The following RASSF8 variants were observed in gnomAD, a reference collection of about 807,000 sequenced individuals.
RASSF8 encodes the protein Ras association domain family member 8.
Under a neutral mutation model 48.5 loss-of-function variants are expected in RASSF8, and 22 were observed. That is an observed-to-expected ratio of 0.45 (90% confidence interval 0.32 to 0.65). The LOEUF (loss-of-function observed/expected upper bound fraction) is 0.65, where lower values mean the gene tolerates loss of function less well. RASSF8 is among the 30% of genes least tolerant of loss of function. The pLI is 0.03. For missense variants in RASSF8, 418 were observed against 489.2 expected (o/e 0.85, Z 1.37); for synonymous variants, 127 against 171.5 (o/e 0.74, Z 2.03).
At chr12:25,969,538 G>A (rs1026021169) in intron 1 of RASSF8, among the ~76,000 whole-genome samples, 2 of 152,166 alleles carry the variant, frequency 1.3e-5, no homozygotes, top group African/African-American at 4.8e-5. Context: ...AGAAAGACCA[G>A]TTAGGAGATA....
At chr12:25,993,399 A>G (rs1942059615) in intron 1 of RASSF8, among the ~76,000 whole-genome samples, 1 of 152,202 alleles carries the variant, frequency 6.6e-6, no homozygotes, top group African/African-American at 2.4e-5. Flanking sequence ...CACTCTTAAA[A>G]GTTTTTCTTG....
intron 1 of RASSF8, among the ~76,000 whole-genome samples, chr12:25,981,261 G>T (rs1286729459): frequency 3.9e-5 from 6 of 152,144 alleles, no homozygotes; most frequent in African/African-American, 1.2e-4. Context: ...ATCCAGGGAA[G>T]AGAGTCTAGT....
intron 1 of RASSF8, among the ~76,000 whole-genome samples, chr12:25,977,350 C>T (rs1325251935): frequency 2.6e-5 from 4 of 152,138 alleles, no homozygotes; most frequent in South Asian, 2.1e-4. Flanking sequence ...GGGCTATAAC[C>T]GTGACCATTA....
At chr12:26,022,198 A>C (rs1565622979) in intron 2 of RASSF8, among the ~76,000 whole-genome samples, 1 of 152,174 alleles carries the variant, frequency 6.6e-6, no homozygotes, top group Non-Finnish European at 1.5e-5. Flanking sequence ...GATGAGGCAA[A>C]AGAGAGATAA....
At chr12:26,000,434 C>G (rs1331341118) in intron 2 of RASSF8, among the ~76,000 whole-genome samples, 1 of 152,024 alleles carries the variant, frequency 6.6e-6, no homozygotes, top group East Asian at 1.9e-4. Context: ...TACAAAAAGG[C>G]AGTCACCTGG....
At chr12:26,054,886 T>C (rs953865226) in intron 2 of RASSF8, among the ~76,000 whole-genome samples, 58 of 152,208 alleles carry the variant, frequency 3.8e-4, no homozygotes, top group African/African-American at 1.3e-3. Context: ...AAACTTTTTT[T>C]CTTTAGTTTT....
intron 5 of RASSF8, among the ~76,000 whole-genome samples, chr12:26,078,218 A>G (rs1421749779): frequency 6.6e-6 from 1 of 152,254 alleles, no homozygotes; most frequent in Non-Finnish European, 1.5e-5. Context: ...TGAACAAAGA[A>G]GCAAAAAATT....
chr12:25,960,271 G>T (rs1941199693), intron 1 of RASSF8, among the ~76,000 whole-genome samples: 1 of 152,084 alleles, frequency 6.6e-6, no homozygotes, highest in Non-Finnish European at 1.5e-5. Context: ...GAGTTGCCAG[G>T]AGTTGCCATC....
At position 26,064,817 on chromosome 12, in the gene RASSF8, C is replaced by G. The variant is rs751533050; in HGVS notation, c.423C>G (p.Asp141Glu). Reference protein sequence around the residue: ...TFTGGAKGLMDIFGKGKETEF... With the variant: ...TFTGGAKGLMEIFGKGKETEF... Reference sequence around the variant, plus strand: ...CAGGAGGTGCCAAAGGATTAATGGACATTTTTGGAAAAGGTAAAGAAACTG... The same window carrying G: ...CAGGAGGTGCCAAAGGATTAATGGAGATTTTTGGAAAAGGTAAAGAAACTG... The change falls in exon 4 of 6, where the codon GAC becomes GAG. Residue 141 changes from aspartate to glutamate, a missense_variant. Asp to Glu is a conservative substitution (Grantham distance 45, BLOSUM62 2). Transcript: ENST00000689635. The G allele has an allele frequency of 5.0e-6, 8 of 1,614,056 alleles. No homozygotes were observed. The East Asian group carries it at 1.8e-4, about 36-fold the overall frequency.
chr12:25,996,252 T>A (rs1345359818), intron 2 of RASSF8, among the ~76,000 whole-genome samples: 1 of 152,226 alleles, frequency 6.6e-6, no homozygotes, highest in East Asian at 1.9e-4. Context: ...CCTTGCCATT[T>A]GTAATATGGC....
intron 2 of RASSF8, among the ~76,000 whole-genome samples, chr12:25,996,438 T>C (rs73296966): frequency 0.016 from 2,498 of 152,322 alleles, 72 homozygotes; most frequent in African/African-American, 0.057. Context: ...GTGTAAGTTA[T>C]ACCAAGAGGA....
chr12:26,012,594 G>C (rs1433492038), intron 2 of RASSF8, among the ~76,000 whole-genome samples: 2 of 151,468 alleles, frequency 1.3e-5, no homozygotes, highest in Non-Finnish European at 2.9e-5. Flanking sequence ...AATTATGTGA[G>C]TTGAATTTTT....
intron 1 of RASSF8, among the ~76,000 whole-genome samples, chr12:25,960,283 T>C (rs1941200053): frequency 6.6e-6 from 1 of 152,194 alleles, no homozygotes; most frequent in Non-Finnish European, 1.5e-5. Flanking sequence ...GTTGCCATCA[T>C]GTTATGAAGG....
Position 25,965,176 on chromosome 12 carries a change from C to T in RASSF8, c.-203+6028C>T, listed in dbSNP as rs568112654. Among the ~76,000 whole-genome samples the T allele has an allele frequency of 1.4e-4, 22 of 152,152 alleles. No homozygotes were observed. The East Asian group carries it at 2.7e-3, about 19-fold the overall frequency. ...CAGGATGGTCTTGATTTCCTGACCT[C>T]GTGATCCGCCTGCCTCGGCCTCCCA... On this transcript the variant is annotated intron_variant, in intron 1 of 5. Coordinates refer to ENST00000689635, the MANE Select transcript of RASSF8 (RefSeq NM_001394098.1).
chr12:25,994,217 A>G (rs2136956490), intron 1 of RASSF8, among the ~76,000 whole-genome samples: 2 of 152,164 alleles, frequency 1.3e-5, no homozygotes, highest in East Asian at 3.9e-4. Flanking sequence ...TAAGGATTTT[A>G]ACATTTGGGG....
chr12:26,038,103 C>T (rs1351665719), intron 2 of RASSF8, among the ~76,000 whole-genome samples: 2 of 152,146 alleles, frequency 1.3e-5, no homozygotes, highest in Non-Finnish European at 2.9e-5. Flanking sequence ...GGAGTCAACA[C>T]ACAGGTTGCA....
At chr12:26,077,782 A>G (rs1565655213), downstream of RASSF8, among the ~76,000 whole-genome samples, 1 of 152,194 alleles carries the variant, frequency 6.6e-6, no homozygotes, top group Non-Finnish European at 1.5e-5. Context: ...ATCTTACTGA[A>G]TCATTGAACT....
exon 6 of RASSF8, chr12:26,079,120 G>A (rs1005303110): frequency 2.2e-6 from 3 of 1,383,414 alleles, no homozygotes; most frequent in Admixed American, 2.2e-5. Context: ...TGAACAAGTG[G>A]GACTACATTA....
chr12:25,972,833 A>G (rs1941513664), intron 1 of RASSF8, among the ~76,000 whole-genome samples: 1 of 152,250 alleles, frequency 6.6e-6, no homozygotes, highest in Non-Finnish European at 1.5e-5. Context: ...CATCAAGTGC[A>G]CAGATCGAGA....
Sources: gnomAD v4.1 joint callset for allele counts (sites outside exome capture counted in the v4.1 genomes callset) on GRCh38, gnomAD v4.1.1 for gene constraint, MANE v1.5 for transcripts, NCBI Gene and HGNC (gene_info 2026-07-23, HGNC 2026-07-21) for gene names.